Variants in PDE10A observed in about 807,000 individuals in gnomAD.
PDE10A encodes the protein cAMP and cAMP-inhibited cGMP 3',5'-cyclic phosphodiesterase 10A.
A neutral mutation model predicts 97.7 loss-of-function variants in PDE10A; 39 were observed. The observed-to-expected ratio is 0.40, with a 90% CI of 0.31 to 0.52. PDE10A has a LOEUF of 0.52. Among genes scored for constraint, PDE10A ranks in the 20% least tolerant of loss-of-function variants. The probability of loss-of-function intolerance (pLI) is 0.56; values close to 1 mark genes in which losing one functional copy is unlikely to be tolerated. For missense variants in PDE10A, 731 were observed against 1,047.8 expected (o/e 0.70, Z 4.17); for synonymous variants, 371 against 376.8 (o/e 0.98, Z 0.18).
intron 1 of PDE10A, among the ~76,000 whole-genome samples, chr6:165,703,364 G>A (rs1429954275): frequency 2.6e-5 from 4 of 152,074 alleles, no homozygotes; most frequent in Non-Finnish European, 5.9e-5. Context: ...ATGTCATTTC[G>A]CCACGTTTTA....
intron 17 of PDE10A, among the ~76,000 whole-genome samples, chr6:165,386,535 C>G (rs61366702): frequency 6.6e-6 from 1 of 151,792 alleles, no homozygotes; most frequent in Non-Finnish European, 1.5e-5. Flanking sequence ...TTGTTTCTGG[C>G]GTTTATTCTT....
At chr6:165,756,852 T>C (rs1436209711) in intron 1 of PDE10A, among the ~76,000 whole-genome samples, 4 of 152,180 alleles carry the variant, frequency 2.6e-5, no homozygotes, top group Non-Finnish European at 5.9e-5. Context: ...AAAAACGGCA[T>C]CTCAGTGAGG....
At chr6:165,857,359 C>T (rs943824404) in intron 1 of PDE10A, among the ~76,000 whole-genome samples, 1 of 152,264 alleles carries the variant, frequency 6.6e-6, no homozygotes, top group Non-Finnish European at 1.5e-5. Context: ...CAACATTTCA[C>T]TGAAGGTTTC....
At chr6:165,480,390 C>A (rs1002717048) in intron 3 of PDE10A, among the ~76,000 whole-genome samples, 6 of 151,998 alleles carry the variant, frequency 3.9e-5, no homozygotes, top group African/African-American at 1.2e-4. Context: ...GAGTTCAACA[C>A]TAGCTTGGGC....
chr6:165,371,257 C>T (rs1313792388), intron 18 of PDE10A, among the ~76,000 whole-genome samples: 1 of 151,628 alleles, frequency 6.6e-6, no homozygotes, highest in African/African-American at 2.4e-5. Context: ...AATAGAGACA[C>T]AAAAAACATT....
At chr6:165,898,499 G>A (rs62425122) in intron 1 of PDE10A, among the ~76,000 whole-genome samples, 43,730 of 151,664 alleles carry the variant, frequency 0.29, 7,460 homozygotes, top group East Asian at 0.66. Context: ...TCTCTTCCTC[G>A]TCACTCCCGT....
At chr6:165,945,163 C>T (rs1485118905) in intron 1 of PDE10A, among the ~76,000 whole-genome samples, 2 of 152,182 alleles carry the variant, frequency 1.3e-5, no homozygotes, top group African/African-American at 4.8e-5. Flanking sequence ...CTCAGTGGGC[C>T]ACCTGCTTTG....
intron 1 of PDE10A, among the ~76,000 whole-genome samples, chr6:165,721,873 A>G (rs937414091): frequency 6.6e-6 from 1 of 152,216 alleles, no homozygotes; most frequent in African/African-American, 2.4e-5. Context: ...TAAGACGGAT[A>G]AGGTTCCTAA....
intron 1 of PDE10A, among the ~76,000 whole-genome samples, chr6:165,749,022 T>C (rs1792906270): frequency 6.6e-6 from 1 of 152,196 alleles, no homozygotes; most frequent in East Asian, 1.9e-4. Flanking sequence ...CCTTGTCAAA[T>C]TGCTACTAAT....
intron 1 of PDE10A, among the ~76,000 whole-genome samples, chr6:165,963,608 G>A (rs1784419983): frequency 6.6e-6 from 1 of 152,180 alleles, no homozygotes; most frequent in Non-Finnish European, 1.5e-5. Context: ...TTTGAAAGTG[G>A]ACAAGTTATT....
chr6:165,945,816 A>G (rs899466926), intron 1 of PDE10A, among the ~76,000 whole-genome samples: 5 of 152,262 alleles, frequency 3.3e-5, no homozygotes, highest in Admixed American at 1.3e-4. Flanking sequence ...CTAGTTCTCT[A>G]TATACATATG....
chr6:165,453,606 G>A (rs1336304545), intron 3 of PDE10A, among the ~76,000 whole-genome samples: 1 of 152,216 alleles, frequency 6.6e-6, no homozygotes, highest in East Asian at 1.9e-4. Context: ...CACGGTTCAA[G>A]TGAGTTCAAG....
At chr6:165,460,860 T>TA (rs1383123990) in intron 3 of PDE10A, among the ~76,000 whole-genome samples, 2 of 151,376 alleles carry the variant, frequency 1.3e-5, no homozygotes, top group African/African-American at 2.4e-5. Flanking sequence ...GGTATGGGAC[T>TA]AAAAAAAAAT....
intron 1 of PDE10A, chr6:165,949,143 C>G (rs1345658564): frequency 6.6e-6 from 1 of 152,208 alleles, no homozygotes; most frequent in East Asian, 1.9e-4. Flanking sequence ...ATCTTTTCTT[C>G]CACCCTCAAT....
At chr6:165,483,023 A>C (rs1779696049) in intron 2 of PDE10A, among the ~76,000 whole-genome samples, 1 of 152,156 alleles carries the variant, frequency 6.6e-6, no homozygotes, top group Admixed American at 6.5e-5. Context: ...AGGGTATAAA[A>C]CAAGCTGGCA....
At chr6:165,817,384 G>C (rs552270513) in intron 1 of PDE10A, among the ~76,000 whole-genome samples, 7 of 152,202 alleles carry the variant, frequency 4.6e-5, no homozygotes, top group Non-Finnish European at 1.0e-4. Flanking sequence ...GCAGGGTCGG[G>C]GAGGACAGCT....
At chr6:165,433,925 G>A (rs960631610) in intron 6 of PDE10A, among the ~76,000 whole-genome samples, 20 of 149,190 alleles carry the variant, frequency 1.3e-4, no homozygotes, top group Admixed American at 3.4e-4. Flanking sequence ...CCTGAGGCAG[G>A]AGAATGGCGT....
At chr6:165,700,897 TTTA>T (rs1262417698) in intron 1 of PDE10A, among the ~76,000 whole-genome samples, 1 of 152,164 alleles carries the variant, frequency 6.6e-6, no homozygotes, top group Non-Finnish European at 1.5e-5. Flanking sequence ...ATTTGAAGTG[TTTA>T]TTGATGCAGA....
At chr6:165,915,986 T>C (rs747994454) in intron 1 of PDE10A, among the ~76,000 whole-genome samples, 1 of 152,222 alleles carries the variant, frequency 6.6e-6, no homozygotes, top group Non-Finnish European at 1.5e-5. Flanking sequence ...GAGGTATCCC[T>C]CAAAATACTA....
Sources: gnomAD v4.1 joint callset for allele counts (sites outside exome capture counted in the v4.1 genomes callset) on GRCh38, gnomAD v4.1.1 for gene constraint, MANE v1.5 for transcripts, NCBI Gene and HGNC (gene_info 2026-07-23, HGNC 2026-07-21) for gene names.